Variants in WDR88 observed in about 807,000 individuals in gnomAD.
WDR88 encodes the protein WD repeat domain 88, also known as WD repeat-containing protein 88.
In WDR88, 40 loss-of-function variants were observed where a neutral mutation model predicts 46.8. The observed-to-expected ratio is 0.86, with a 90% confidence interval of 0.66 to 1.11. The LOEUF is 1.11. WDR88 is among the 50% of genes most tolerant of loss of function. The pLI, the probability that WDR88 is intolerant of heterozygous loss-of-function variation, is 0.00. For synonymous variants in WDR88, 235 were observed against 240.7 expected (o/e 0.98, Z 0.22); for missense variants, 562 against 602.4 (o/e 0.93, Z 0.70).
intron 1 of WDR88, among the ~76,000 whole-genome samples, chr19:33,137,109 CTTCTTT>C (rs1258692844): frequency 2.5e-4 from 36 of 145,686 alleles, no homozygotes; most frequent in East Asian, 1.8e-3. Context: ...TTTCTTTCTT[CTTCTTT>C]TTTTTTTTTT....
chr19:33,175,775 GAATA>G lies in WDR88; in HGVS notation c.*207_*210del. 1 of 582,988 alleles carries G rather than the reference GAATA, an allele frequency of 1.7e-6. No homozygotes were observed. Among genetic ancestry groups the G allele is most frequent in the Non-Finnish European group, 3.0e-6 (1 of 329,070 alleles). 36.1% of individuals were successfully genotyped at this position (582,988 alleles called of 1,614,324 possible). A position where few individuals can be genotyped will look rare whatever the true frequency, so the allele number is the denominator to read the frequency against. ...AGTGAACACTTTCCGTTTTCATGCA[GAATA>G]AATCTAATTCCTTTGGAAAACAAGC... On this transcript the variant is annotated 3_prime_UTR_variant, in exon 11 of 11. Transcript: ENST00000355868.
Position 33,146,456 on chromosome 19 carries a change from CTTCCTTCT to C in WDR88, c.477-1181_477-1174del, listed in dbSNP as rs1228091169. 7.6e-5 allele frequency among the ~76,000 whole-genome samples: 5 copies of C among 65,382 alleles called. No homozygotes were observed. In the South Asian group the frequency reaches 2.8e-3, roughly 36 times the overall value. 42.9% of individuals were successfully genotyped at this position (65,382 alleles called of 152,430 possible). On this transcript the variant is annotated intron_variant, in intron 3 of 10. Coordinates refer to ENST00000355868, the MANE Select transcript of WDR88 (RefSeq NM_173479.4). ...ATTTCCTTCCTTCCTTCCTTCCTTC[CTTCCTTCT>C]TTCCTTCCTTCCTTCCTTCCTTCCT...
chr19:33,134,432 AT>A (rs1475789946), intron 1 of WDR88, among the ~76,000 whole-genome samples: 1 of 151,952 alleles, frequency 6.6e-6, no homozygotes, highest in Non-Finnish European at 1.5e-5. Flanking sequence ...GCCTCAAGCA[AT>A]CCTCACTCCT....
intron 2 of WDR88, among the ~76,000 whole-genome samples, chr19:33,138,985 CCA>C (rs1454050157): frequency 6.6e-6 from 1 of 152,090 alleles, no homozygotes; most frequent in Non-Finnish European, 1.5e-5. Flanking sequence ...CCCGGCCACC[CCA>C]CACACCTGTC....
In WDR88 at chr19:33,161,281, A is replaced by G. The variant is rs116666505; in HGVS notation, c.1080+785A>G. Among the ~76,000 whole-genome samples, 377 of 152,248 alleles carry G rather than the reference A, an allele frequency of 2.5e-3. 3 individuals carry two copies. The highest frequency in any genetic ancestry group is 8.8e-3 in the African/African-American group (364 of 41,576). ...GTTCCAAAATGGGGATGTCAACTGA[A>G]TGCTCTGGGCTACAAGTGAGAGGAT... On this transcript the variant is annotated intron_variant, in intron 8 of 10. Transcript: ENST00000355868.
chr19:33,142,849 T>TAAAAA (rs1973426498), intron 2 of WDR88: 1 of 1,354 alleles, frequency 7.4e-4, no homozygotes, highest in African/African-American at 3.0e-3. Flanking sequence ...CTACTAAAAA[T>TAAAAA]ACAAAAAAAA....
rs542901303 is a variant in WDR88, at chr19:33,158,692, G to A, written c.998-1722G>A. Among the ~76,000 whole-genome samples the A allele has an allele frequency of 2.1e-5, 3 of 141,192 alleles. 1 individual carries two copies. The South Asian group carries it at 6.3e-4, about 30-fold the overall frequency. The allele number at this position is 141,192 out of a possible 152,430, so 92.6% of individuals were successfully genotyped here. A position where few individuals can be genotyped will look rare whatever the true frequency, so the allele number is the denominator to read the frequency against. On this transcript the variant is annotated intron_variant, in intron 7 of 10. Coordinates refer to ENST00000355868, the MANE Select transcript of WDR88 (RefSeq NM_173479.4). ...ATGTCCTTTTTGTGGTCTATTTAGT[G>A]CCACCATTTTTTTTTGTTGTTGTTT... is the stretch of plus-strand genomic sequence containing the variant.
chr19:33,172,237 C>G, intron 9 of WDR88, 111 bp from the exon 10 acceptor site: 1 of 869,436 alleles, frequency 1.2e-6, no homozygotes, highest in South Asian at 1.6e-5. Flanking sequence ...TTGAAGGTTC[C>G]TCTGTCTTTT....
chr19:33,163,432 G>A lies in WDR88; in HGVS notation c.1081-765G>A, dbSNP rs912715413. Among the ~76,000 whole-genome samples, 102 of 152,124 alleles carry A rather than the reference G, an allele frequency of 6.7e-4. 1 individual carries two copies. Among genetic ancestry groups the A allele is most frequent in the African/African-American group, 2.3e-3 (95 of 41,506 alleles). On this transcript the variant is annotated intron_variant, in intron 8 of 10. Transcript: ENST00000355868. Reference sequence around the variant, plus strand: ...AATTGCTTGAACCCAGGAGGTGAAGGTTGCAGTGAGTGGAGATTGCACCAT... The same window carrying A: ...AATTGCTTGAACCCAGGAGGTGAAGATTGCAGTGAGTGGAGATTGCACCAT...
chr19:33,148,546 T>C (rs920672731), intron 4 of WDR88, among the ~76,000 whole-genome samples: 1 of 151,956 alleles, frequency 6.6e-6, no homozygotes, highest in Non-Finnish European at 1.5e-5. Flanking sequence ...GCTCAGATGA[T>C]CCTCCCGCCA....
At chr19:33,136,486 C>T (rs929401674) in intron 1 of WDR88, among the ~76,000 whole-genome samples, 1 of 152,028 alleles carries the variant, frequency 6.6e-6, no homozygotes, top group Admixed American at 6.6e-5. Context: ...CCACCGCGCC[C>T]GGCCACACTA....
chr19:33,160,890 G>T (rs933512099), intron 8 of WDR88, among the ~76,000 whole-genome samples: 3 of 152,144 alleles, frequency 2.0e-5, no homozygotes, highest in African/African-American at 4.8e-5. Flanking sequence ...TACTGTGCAG[G>T]CCTGGGCACT....
At chr19:33,170,350 T>C (rs1293849695) in intron 9 of WDR88, among the ~76,000 whole-genome samples, 3 of 151,988 alleles carry the variant, frequency 2.0e-5, no homozygotes, top group African/African-American at 7.3e-5. Context: ...GGCTAATTTT[T>C]TGTATTTTTA....
intron 7 of WDR88, among the ~76,000 whole-genome samples, chr19:33,157,238 T>C (rs1319099881): frequency 6.7e-6 from 1 of 149,704 alleles, no homozygotes; most frequent in Non-Finnish European, 1.5e-5. Flanking sequence ...GGCTCATGCC[T>C]GTAATCCCAG....
chr19:33,132,440 T>C lies in WDR88; in HGVS notation c.271T>C (p.Ser91Pro). 6.2e-7 allele frequency: 1 copy of C among 1,613,448 alleles called. No homozygotes were observed. Among genetic ancestry groups the C allele is most frequent in the Non-Finnish European group, 8.5e-7 (1 of 1,179,738 alleles). ...KLIWGDQDPL[S>P]KIPFKILSGH... is the part of the protein sequence containing the mutation. ...GATCTGGGGCGACCAGGACCCTCTC[T>C]CCAAGGTCAGAACCGCCGCTGGGGT... Residue 91 changes from serine (S) to proline (P), a missense_variant, in exon 1 of 11, where the codon TCC (serine) becomes CCC (proline). Transcript: ENST00000355868.
chr19:33,150,850 C>T (rs10423969), intron 5 of WDR88, among the ~76,000 whole-genome samples: 43,344 of 152,184 alleles, frequency 0.28, 6,710 homozygotes, highest in South Asian at 0.57. Context: ...CGGGCCCTTC[C>T]TGGACCCCTC....
chr19:33,132,216 G>T lies in WDR88; in HGVS notation c.47G>T (p.Cys16Phe), dbSNP rs752205154. ...RCSPTAHDRECKLPPPSAPAS... is the reference protein window; with the variant it reads ...RCSPTAHDREFKLPPPSAPAS... ...TCCCCGACAGCCCATGACAGGGAAT[G>T]CAAGTTGCCGCCACCCTCCGCCCCC... is the stretch of plus-strand genomic sequence containing the variant. Residue 16 changes from cysteine to phenylalanine, a missense_variant, in exon 1 of 11, where the codon TGC (cysteine) becomes TTC (phenylalanine). By Grantham distance (205) the Cys-to-Phe change is radical. Transcript: ENST00000355868. 1 of 1,608,994 alleles carries T rather than the reference G, an allele frequency of 6.2e-7. No homozygotes were observed. Among genetic ancestry groups the T allele is most frequent in the Non-Finnish European group, 8.5e-7 (1 of 1,179,658 alleles).
At chr19:33,142,155 A>AG (rs1291015566) in intron 2 of WDR88, among the ~76,000 whole-genome samples, 2 of 151,982 alleles carry the variant, frequency 1.3e-5, no homozygotes, top group African/African-American at 4.8e-5. Context: ...CCCTCTACGG[A>AG]GGGACATGGA....
At chr19:33,164,410 G>C (rs1432684978) in intron 9 of WDR88, 145 bp downstream of exon 9, 1 of 725,236 alleles carries the variant, frequency 1.4e-6, no homozygotes, top group Non-Finnish European at 2.5e-6. Context: ...GCCTGGGAAT[G>C]TGGACAGCAT....
Sources: allele counts gnomAD v4.1 joint callset (sites outside exome capture counted in the v4.1 genomes callset), GRCh38; gene constraint gnomAD v4.1.1; transcripts MANE v1.5; gene names NCBI Gene and HGNC (gene_info 2026-07-23, HGNC 2026-07-21).